Variants in MAT1A observed in about 807,000 individuals in gnomAD.
MAT1A encodes S-adenosylmethionine synthase isoform type-1.
In MAT1A, 19 loss-of-function variants were observed where a neutral mutation model predicts 44.0. The ratio of observed to expected loss-of-function variants is 0.43; its 90% CI spans 0.30 to 0.63. The LOEUF is 0.63. Ranked by LOEUF, MAT1A falls within the 30% of genes least tolerant of loss-of-function variation. The pLI is 0.12. For missense variants in MAT1A, 397 were observed against 531.0 expected (o/e 0.75, Z 2.48); for synonymous variants, 205 against 205.6 (o/e 1.00, Z 0.03).
Position 80,273,457 on chromosome 10 carries a change from G to A in MAT1A, c.*324C>T. ...AGGCAAGGGGAGGGAGGGGGAGCTG[G>A]TCAGGGTCCAGCTGTTGGGGGAGAC... is the stretch of plus-strand genomic sequence containing the variant. On this transcript the variant is annotated 3_prime_UTR_variant, in exon 9 of 9. Transcript: ENST00000372213. 2.7e-6 allele frequency: 1 copy of A among 364,556 alleles called. No individual in the cohort carries two copies. The highest frequency in any genetic ancestry group is 2.2e-5 in the South Asian group (1 of 44,668). 22.6% of individuals were successfully genotyped at this position (364,556 alleles called of 1,614,324 possible).
At chr10:80,283,780 C>T in intron 3 of MAT1A, 136 bp downstream of exon 3, 8 of 1,376,664 alleles carry the variant, frequency 5.8e-6, no homozygotes, top group Non-Finnish European at 8.2e-6. Flanking sequence ...TGGAACCTGA[C>T]AGACAAGTGT....
chr10:80,280,734 A>G lies in MAT1A; in HGVS notation c.351T>C (p.Ile117=). The part of the protein sequence containing the change: ...LVALEQQSPD[I]AQCVHLDRNE... ...TTCTGTCCAGATGGACGCACTGGGC[A>G]ATATCTGGGGATTGCTGCTCCAAAG... Residue 117 remains isoleucine (I), a synonymous_variant, in exon 4 of 9, where the codon ATT becomes ATC. Coordinates refer to ENST00000372213, the MANE Select transcript of MAT1A (RefSeq NM_000429.3). 6.2e-7 allele frequency: 1 copy of G among 1,614,196 alleles called. No homozygotes were observed. Among genetic ancestry groups the G allele is most frequent in the East Asian group, 2.2e-5 (1 of 44,870 alleles).
chr10:80,280,622 G>A, intron 4 of MAT1A, 58 bp downstream of exon 4: 1 of 1,441,552 alleles, frequency 6.9e-7, no homozygotes, highest in Non-Finnish European at 9.8e-7. Context: ...TTAACCCACT[G>A]CTCATGAACT....
At chr10:80,276,928 G>T (rs892922734) in intron 5 of MAT1A, among the ~76,000 whole-genome samples, 7 of 152,216 alleles carry the variant, frequency 4.6e-5, no homozygotes, top group Non-Finnish European at 1.0e-4. Context: ...ATGTCCCCCT[G>T]GCCAAAGCCC....
chr10:80,287,821 C>T (rs1253855485), intron 1 of MAT1A, among the ~76,000 whole-genome samples: 1 of 152,190 alleles, frequency 6.6e-6, no homozygotes, highest in African/African-American at 2.4e-5. Flanking sequence ...TGAGCTAAGT[C>T]ACATAAAAAA....
Position 80,276,383 on chromosome 10 carries a change from C to T in MAT1A, c.761G>A (p.Gly254Asp). Residue 254 changes from glycine (G) to aspartate (D), a missense_variant, in exon 6 of 9, where the codon GGT becomes GAT. By Grantham distance (94) the Gly-to-Asp change is moderately conservative (BLOSUM62 -1). Transcript: ENST00000372213. ...TCAGAGACAAGAATGCACCTGGGGA[C>T]CTCCGATGACAAACCGCCCACTGGG... The part of the protein sequence containing the change: ...LQPSGRFVIG[G>D]PQGDAGVTGR... 1 of 1,614,110 alleles carries T rather than the reference C, an allele frequency of 6.2e-7. No homozygotes were observed. The highest frequency in any genetic ancestry group is 1.1e-5 in the South Asian group (1 of 91,082).
rs557431495 is a variant in MAT1A at position 80,285,558 on chromosome 10, C to T, written c.123G>A (p.Val41=). 1.2e-6 allele frequency: 2 copies of T among 1,613,954 alleles called. No individual in the cohort carries two copies. The highest frequency in any genetic ancestry group is 2.7e-5 in the African/African-American group (2 of 74,924). The change falls in exon 2 of 9, where the codon GTG becomes GTA. Residue 41 remains valine, a synonymous_variant. Coordinates refer to ENST00000372213, the MANE Select transcript of MAT1A (RefSeq NM_000429.3). ...DKICDQISDA[V]LDAHLKQDPN... ...GGTCTTGCTTGAGATGGGCATCCAG[C>T]ACTGCATCACTGATCTGGTCACAGA...
chr10:80,273,580 C>A lies in MAT1A; in HGVS notation c.*201G>T. 2 of 603,910 alleles carry A rather than the reference C, an allele frequency of 3.3e-6. No individual in the cohort carries two copies. Among genetic ancestry groups the A allele is most frequent in the South Asian group, 3.7e-5 (2 of 53,380 alleles). The allele number at this position is 603,910 out of a possible 1,614,324, so 37.4% of individuals were successfully genotyped here. A position where few individuals can be genotyped will look rare whatever the true frequency, so the allele number is the denominator to read the frequency against. ...CAGGAGAACACCATGCCCATCCTTA[C>A]ATCAAGATCCAACCTCCAGCACCAG... On this transcript the variant is annotated 3_prime_UTR_variant, in exon 9 of 9. Coordinates refer to ENST00000372213, the MANE Select transcript of MAT1A (RefSeq NM_000429.3).
intron 5 of MAT1A, among the ~76,000 whole-genome samples, chr10:80,277,304 C>T (rs1177579789): frequency 3.3e-5 from 5 of 152,234 alleles, no homozygotes; most frequent in Admixed American, 2.0e-4. Context: ...GACAGAACCA[C>T]GGGGCAGCAA....
intron 3 of MAT1A, among the ~76,000 whole-genome samples, chr10:80,282,985 G>T (rs568308844): frequency 6.6e-6 from 1 of 152,208 alleles, no homozygotes; most frequent in South Asian, 2.1e-4. Context: ...TTGCCATGGC[G>T]TGAGGTCATC....
chr10:80,276,315 A>G, intron 6 of MAT1A, 61 bp downstream of exon 6: 5 of 1,550,902 alleles, frequency 3.2e-6, no homozygotes, highest in South Asian at 1.1e-5. Context: ...TCCTGCTCTG[A>G]GACATAAGCA....
intron 6 of MAT1A, among the ~76,000 whole-genome samples, chr10:80,275,853 A>G (rs2132702214): frequency 6.6e-6 from 1 of 152,354 alleles, no homozygotes; most frequent in South Asian, 2.1e-4. Flanking sequence ...GGGCCCAGGC[A>G]GTGGGCAGCA....
chr10:80,277,541 A>G lies in MAT1A; in HGVS notation c.550-947T>C, dbSNP rs1841507276. 2.0e-5 allele frequency among the ~76,000 whole-genome samples: 3 copies of G among 152,174 alleles called. No individual in the cohort carries two copies. In the South Asian group the frequency reaches 6.2e-4, roughly 31 times the overall value. On this transcript the variant is annotated intron_variant, in intron 5 of 8. Coordinates refer to ENST00000372213, the MANE Select transcript of MAT1A (RefSeq NM_000429.3). ...CATCGTGAGCTGAGAGAAGTCCTCA[A>G]ATGCCAGGCTGTGCACACACACGGC...
chr10:80,283,153 T>C (rs1299399844), intron 3 of MAT1A, among the ~76,000 whole-genome samples: 1 of 152,242 alleles, frequency 6.6e-6, no homozygotes, highest in Admixed American at 6.5e-5. Context: ...GAAGCCAGCA[T>C]GGACAAAGGG....
chr10:80,282,514 G>C (rs1163020148), intron 3 of MAT1A, among the ~76,000 whole-genome samples: 1 of 152,192 alleles, frequency 6.6e-6, no homozygotes, highest in African/African-American at 2.4e-5. Context: ...TTTTGCACTT[G>C]AATAAGGTCT....
chr10:80,287,499 T>A (rs756654262), intron 1 of MAT1A, among the ~76,000 whole-genome samples: 1 of 152,200 alleles, frequency 6.6e-6, no homozygotes, highest in Non-Finnish European at 1.5e-5. Context: ...CAAGGGACGA[T>A]TAGACAAATT....
rs374820126 is a variant in MAT1A, at chr10:80,276,731, G to C, written c.550-137C>G. ...GGGCCTCCTGTCTTCAAAGGGTGTT[G>C]GGGGAGTTAATCTGACACATTCTTA... On this transcript the variant is annotated intron_variant, in intron 5 of 8. Transcript: ENST00000372213. The C allele has an allele frequency of 3.6e-6, 3 of 826,816 alleles. No individual in the cohort carries two copies. The Admixed American group carries it at 5.4e-5, about 15-fold the overall frequency. The allele number at this position is 826,816 out of a possible 1,614,324, so 51.2% of individuals were successfully genotyped here. A position where few individuals can be genotyped will look rare whatever the true frequency, so the allele number is the denominator to read the frequency against.
chr10:80,276,564 C>A lies in MAT1A; in HGVS notation c.580G>T (p.Ala194Ser), dbSNP rs148687668. 3.7e-6 allele frequency: 6 copies of A among 1,612,998 alleles called. No homozygotes were observed. The highest frequency in any genetic ancestry group is 5.1e-6 in the Non-Finnish European group (6 of 1,180,038). ...GTGTGGATGCGCACAGGGATGACTG[C>A]GCCATTGTCCTGCATGTACTGAACT... ...VTVQYMQDNGAVIPVRIHTIV... is the reference protein window; with the variant it reads ...VTVQYMQDNGSVIPVRIHTIV... The change falls in exon 6 of 9, where the codon GCA becomes TCA. Residue 194 changes from alanine (A) to serine (S), a missense_variant. Coordinates refer to ENST00000372213, the MANE Select transcript of MAT1A (RefSeq NM_000429.3).
At chr10:80,283,821 C>G in intron 3 of MAT1A, 95 bp downstream of exon 3, 3 of 1,575,984 alleles carry the variant, frequency 1.9e-6, no homozygotes, top group Middle Eastern at 2.3e-4. Context: ...AGTATTGATG[C>G]TCCCATCGGG....
Sources: gnomAD v4.1 joint callset for allele counts (sites outside exome capture counted in the v4.1 genomes callset) on GRCh38, gnomAD v4.1.1 for gene constraint, MANE v1.5 for transcripts, NCBI Gene and HGNC (gene_info 2026-07-23, HGNC 2026-07-21) for gene names.